ZDHHC7: variants seen among roughly 807,000 people sequenced by gnomAD.
The protein encoded by ZDHHC7 is palmitoyltransferase ZDHHC7.
In ZDHHC7, 12 loss-of-function variants were observed where a neutral mutation model predicts 34.1. The ratio of observed to expected loss-of-function variants is 0.35; its 90% CI spans 0.23 to 0.57. The LOEUF (loss-of-function observed/expected upper bound fraction) is 0.57. Ranked by LOEUF, ZDHHC7 falls within the 20% of genes least tolerant of loss-of-function variation. The pLI is 0.84. For missense variants in ZDHHC7, 388 were observed against 402.7 expected, an observed-to-expected ratio of 0.96 and a Z score of 0.31; for synonymous variants, 185 against 155.4, an observed-to-expected ratio of 1.19 and a Z score of -1.42.
intron 6 of ZDHHC7, 87 bp from the exon 7 acceptor site, chr16:84,977,312 AG>A (rs768435738): frequency 1.0e-5 from 16 of 1,534,544 alleles, no homozygotes; most frequent in East Asian, 9.0e-5. Flanking sequence ...CTCTAGGGCC[AG>A]CCCCTGGCCA....
chr16:85,019,592 C>G, the ZDHHC7 span, among the ~76,000 whole-genome samples: 1 of 152,152 alleles, frequency 6.6e-6, no homozygotes, highest in Admixed American at 6.5e-5. Context: ...TGGCAGGCAC[C>G]TGTAATCCCA....
At chr16:85,022,292 G>A in the ZDHHC7 span, among the ~76,000 whole-genome samples, 3 of 151,986 alleles carry the variant, frequency 2.0e-5, no homozygotes, top group African/African-American at 4.8e-5. Context: ...AGGCCGAGGC[G>A]GTTGGATCAC....
intron 2 of ZDHHC7, among the ~76,000 whole-genome samples, chr16:84,993,598 C>T (rs772947152): frequency 2.0e-5 from 3 of 151,250 alleles, no homozygotes; most frequent in African/African-American, 4.9e-5. Flanking sequence ...GCCACAATCC[C>T]ACCACTGCAG....
chr16:84,996,040 GATTT>G (rs2072572075), intron 1 of ZDHHC7, 33 bp from the exon 2 acceptor site: 1 of 152,176 alleles, frequency 6.6e-6, no homozygotes, highest in African/African-American at 2.4e-5. Flanking sequence ...TAGAAAAAGT[GATTT>G]ATTTTATGAC....
intron 1 of ZDHHC7, among the ~76,000 whole-genome samples, chr16:84,999,888 T>A (rs1426323569): frequency 1.3e-5 from 2 of 152,196 alleles, no homozygotes; most frequent in Non-Finnish European, 2.9e-5. Flanking sequence ...GGCTCATACC[T>A]GTAATCCCAG....
At chr16:84,992,398 G>T (rs886854695) in intron 2 of ZDHHC7, among the ~76,000 whole-genome samples, 1 of 107,244 alleles carries the variant, frequency 9.3e-6, no homozygotes, top group African/African-American at 2.8e-5. Flanking sequence ...GCTTGAACCC[G>T]GGGGGTGGAG....
chr16:85,011,806 G>T (rs1193620087), upstream of ZDHHC7, among the ~76,000 whole-genome samples: 2 of 152,188 alleles, frequency 1.3e-5, no homozygotes, highest in South Asian at 4.1e-4. Flanking sequence ...TGCCCTTAGC[G>T]GAGTGTGTAC....
chr16:84,992,198 G>A (rs1217345824), intron 2 of ZDHHC7, among the ~76,000 whole-genome samples: 1 of 151,810 alleles, frequency 6.6e-6, no homozygotes, highest in Non-Finnish European at 1.5e-5. Flanking sequence ...GTCAGGTGCG[G>A]GTGGCTCATA....
chr16:84,994,640 T>C (rs925095371), intron 2 of ZDHHC7, among the ~76,000 whole-genome samples: 4 of 152,190 alleles, frequency 2.6e-5, no homozygotes, highest in Admixed American at 2.0e-4. Flanking sequence ...GCTCCATGCC[T>C]GACCTGGGGG....
the ZDHHC7 span, among the ~76,000 whole-genome samples, chr16:85,025,521 G>A: frequency 2.0e-5 from 3 of 152,110 alleles, no homozygotes; most frequent in Non-Finnish European, 4.4e-5. Flanking sequence ...CGATTCTCCT[G>A]TCTCAAGCCT....
chr16:85,000,936 C>G (rs2072644461), intron 1 of ZDHHC7, among the ~76,000 whole-genome samples: 1 of 152,142 alleles, frequency 6.6e-6, no homozygotes, highest in Admixed American at 6.5e-5. Flanking sequence ...GAGAAAGTGT[C>G]AATAAAGACA....
chr16:84,979,036 C>G (rs2072334002), intron 5 of ZDHHC7, among the ~76,000 whole-genome samples, 153 bp downstream of exon 5: 1 of 152,190 alleles, frequency 6.6e-6, no homozygotes, highest in African/African-American at 2.4e-5. Flanking sequence ...GGACTACTTC[C>G]TGCCAATGAC....
intron 1 of ZDHHC7, among the ~76,000 whole-genome samples, chr16:85,009,258 G>A (rs1364156715): frequency 1.3e-5 from 2 of 151,970 alleles, no homozygotes; most frequent in East Asian, 1.9e-4. Context: ...AAGCATCCAA[G>A]CCAGCAGGTA....
intron 3 of ZDHHC7, among the ~76,000 whole-genome samples, chr16:84,989,780 T>A (rs2072484306): frequency 6.6e-6 from 1 of 151,404 alleles, no homozygotes. Context: ...AAGAACCCAG[T>A]AGATTTTAAA....
chr16:84,984,014 CT>C (rs1199886313), intron 3 of ZDHHC7, among the ~76,000 whole-genome samples: 3,083 of 132,802 alleles, frequency 0.023, 72 homozygotes, highest in African/African-American at 0.073. Context: ...AATTTAGAGT[CT>C]TTTTTTTTTT....
the ZDHHC7 span, among the ~76,000 whole-genome samples, chr16:85,017,082 A>G: frequency 5.7e-4 from 87 of 152,228 alleles, no homozygotes; most frequent in Non-Finnish European, 1.1e-3. Flanking sequence ...CTGGGATTAC[A>G]GGCATGAGCC....
intron 2 of ZDHHC7, among the ~76,000 whole-genome samples, chr16:84,995,475 A>T (rs1409693088): frequency 6.6e-6 from 1 of 152,158 alleles, no homozygotes; most frequent in African/African-American, 2.4e-5. Flanking sequence ...AAAATATAAA[A>T]ATTAGCCGGG....
At chr16:84,985,951 T>TAAAA (rs2072430636) in intron 3 of ZDHHC7, among the ~76,000 whole-genome samples, 1 of 34,886 alleles carries the variant, frequency 2.9e-5, no homozygotes, top group African/African-American at 1.6e-4. Flanking sequence ...TGAGACTGTC[T>TAAAA]CAAAAAAAAA....
At chr16:85,021,861 A>G in the ZDHHC7 span, among the ~76,000 whole-genome samples, 1,536 of 152,142 alleles carry the variant, frequency 0.01, 34 homozygotes, top group African/African-American at 0.035. Flanking sequence ...ACAGATTAGA[A>G]AAGGGCAAAG....
Sources: gnomAD v4.1 joint callset for allele counts (sites outside exome capture counted in the v4.1 genomes callset) on GRCh38, gnomAD v4.1.1 for gene constraint, MANE v1.5 for transcripts, NCBI Gene and HGNC (gene_info 2026-07-23, HGNC 2026-07-21) for gene names.